The following WDR70 variants were observed in gnomAD, a reference collection of about 807,000 sequenced individuals.
The protein encoded by WDR70 is WD repeat-containing protein 70.
A neutral mutation model predicts 88.6 loss-of-function variants in WDR70; 53 were observed. That is an observed-to-expected ratio of 0.60 (90% CI 0.48 to 0.75). The LOEUF (loss-of-function observed/expected upper bound fraction) is 0.75, where lower values mean the gene tolerates loss of function less well. Among genes scored for constraint, WDR70 ranks in the 30% least tolerant of loss-of-function variants. The pLI is 0.00. For synonymous variants in WDR70, 280 were observed against 270.0 expected (o/e 1.04, Z -0.36); for missense variants, 610 against 823.2 (o/e 0.74, Z 3.17).
intron 2 of WDR70, 28 bp from the exon 3 acceptor site, chr5:37,381,574 C>T (rs774344686): frequency 1.9e-6 from 3 of 1,600,278 alleles, no homozygotes; most frequent in Non-Finnish European, 2.6e-6. Flanking sequence ...GCAAGACAAT[C>T]ACAGTCTCCC....
chr5:37,670,135 CGTT>C (rs1745982244), intron 10 of WDR70, among the ~76,000 whole-genome samples: 1 of 152,036 alleles, frequency 6.6e-6, no homozygotes, highest in South Asian at 2.1e-4. Context: ...ATACTGAAAA[CGTT>C]GAACTACATA....
intron 7 of WDR70, among the ~76,000 whole-genome samples, chr5:37,464,777 G>C (rs1459710887): frequency 1.3e-5 from 2 of 152,360 alleles, no homozygotes; most frequent in East Asian, 3.9e-4. Flanking sequence ...TCAGGAGCCT[G>C]ACAGTGGAGC....
chr5:37,744,458 A>G (rs1442668257), intron 17 of WDR70, among the ~76,000 whole-genome samples: 2 of 152,124 alleles, frequency 1.3e-5, no homozygotes, highest in Non-Finnish European at 2.9e-5. Flanking sequence ...TAGGCTTCAG[A>G]AAATGGGTAA....
At chr5:37,395,834 A>G (rs1748995205) in intron 4 of WDR70, among the ~76,000 whole-genome samples, 3 of 152,124 alleles carry the variant, frequency 2.0e-5, no homozygotes, top group Non-Finnish European at 4.4e-5. Context: ...ACAGGGTCTC[A>G]CTGTTGTTCA....
intron 9 of WDR70, among the ~76,000 whole-genome samples, chr5:37,528,241 A>C (rs1264560954): frequency 6.6e-6 from 1 of 152,196 alleles, no homozygotes; most frequent in Non-Finnish European, 1.5e-5. Context: ...AATGTCCATC[A>C]ATGATAGACT....
chr5:37,750,139 G>T (rs1227351570), intron 17 of WDR70, among the ~76,000 whole-genome samples: 1 of 152,110 alleles, frequency 6.6e-6, no homozygotes, highest in Non-Finnish European at 1.5e-5. Flanking sequence ...ATCCTCTCAT[G>T]CCTCTTTCTA....
At chr5:37,512,269 C>A (rs887553429) in intron 8 of WDR70, among the ~76,000 whole-genome samples, 4 of 151,990 alleles carry the variant, frequency 2.6e-5, no homozygotes, top group African/African-American at 4.8e-5. Flanking sequence ...GTTGCCCAGG[C>A]TGGAGTGTAG....
chr5:37,414,100 G>A (rs190172363), intron 5 of WDR70, among the ~76,000 whole-genome samples: 172 of 146,812 alleles, frequency 1.2e-3, no homozygotes, highest in Middle Eastern at 7.4e-3. Context: ...AGCCTTGATT[G>A]CGCATTGCAC....
At chr5:37,622,262 G>A (rs1367470379) in intron 10 of WDR70, among the ~76,000 whole-genome samples, 4 of 151,956 alleles carry the variant, frequency 2.6e-5, no homozygotes, top group African/African-American at 9.7e-5. Flanking sequence ...GAGAGGATGT[G>A]GAGAAATAGG....
At chr5:37,734,664 A>G (rs1748247406) in intron 17 of WDR70, among the ~76,000 whole-genome samples, 1 of 152,126 alleles carries the variant, frequency 6.6e-6, no homozygotes, top group Non-Finnish European at 1.5e-5. Flanking sequence ...GCGCTATTTT[A>G]GATACAGTGG....
At chr5:37,425,791 A>G (rs1016837285) in intron 5 of WDR70, among the ~76,000 whole-genome samples, 1 of 152,200 alleles carries the variant, frequency 6.6e-6, no homozygotes, top group South Asian at 2.1e-4. Context: ...AATTGATTAT[A>G]TAAGTGTGGT....
At position 37,621,110 on chromosome 5, in the gene WDR70, G is replaced by A. The variant is rs78092348; in HGVS notation, c.1092+15872G>A. Among the ~76,000 whole-genome samples, 1,007 of 152,074 alleles carry A rather than the reference G, an allele frequency of 6.6e-3. 13 individuals are homozygous for A. The highest frequency in any genetic ancestry group is 0.023 in the African/African-American group (960 of 41,486). ...AAAGCTACCAAAATTAGTTTGCAAGGCTCTACCCATCAGCTTCTTACAGTC... is the reference window on the plus strand; with the variant it reads ...AAAGCTACCAAAATTAGTTTGCAAGACTCTACCCATCAGCTTCTTACAGTC... On this transcript the variant is annotated intron_variant, in intron 10 of 17. Coordinates refer to ENST00000265107, the MANE Select transcript of WDR70 (RefSeq NM_018034.4).
chr5:37,424,076 G>C (rs1488157866), intron 5 of WDR70, among the ~76,000 whole-genome samples: 1 of 133,262 alleles, frequency 7.5e-6, no homozygotes, highest in Admixed American at 8.8e-5. Flanking sequence ...TTGAACACGA[G>C]AAGTGGAGGT....
At chr5:37,677,480 G>T (rs137910776) in intron 10 of WDR70, among the ~76,000 whole-genome samples, 9 of 151,610 alleles carry the variant, frequency 5.9e-5, no homozygotes, top group African/African-American at 2.2e-4. Flanking sequence ...TTCTGCCTTC[G>T]TTTCGTTATG....
At chr5:37,553,712 C>G (rs1214363260) in intron 9 of WDR70, among the ~76,000 whole-genome samples, 2 of 152,124 alleles carry the variant, frequency 1.3e-5, no homozygotes, top group Non-Finnish European at 2.9e-5. Context: ...TTCTATATTT[C>G]TTTTAGCTGC....
intron 17 of WDR70, among the ~76,000 whole-genome samples, chr5:37,727,727 T>G (rs983225328): frequency 6.6e-6 from 1 of 151,928 alleles, no homozygotes; most frequent in African/African-American, 2.4e-5. Flanking sequence ...AAGCATGCAC[T>G]GCCACACCCA....
At chr5:37,639,960 T>C (rs982392937) in intron 10 of WDR70, among the ~76,000 whole-genome samples, 6 of 152,170 alleles carry the variant, frequency 3.9e-5, no homozygotes, top group Non-Finnish European at 7.4e-5. Flanking sequence ...TTATTCTCAC[T>C]TCGCAGATGA....
At chr5:37,412,616 C>T (rs928506145) in intron 5 of WDR70, among the ~76,000 whole-genome samples, 2 of 152,118 alleles carry the variant, frequency 1.3e-5, no homozygotes, top group Non-Finnish European at 2.9e-5. Flanking sequence ...CAGCAGCTTT[C>T]TAGTTGTGAG....
rs1308246448 is a variant in WDR70, at chr5:37,428,002, T to C, written c.493-9920T>C. Among the ~76,000 whole-genome samples, 3 of 146,442 alleles carry C rather than the reference T, an allele frequency of 2.0e-5. No individual in the cohort carries two copies. In the East Asian group the frequency reaches 6.4e-4, roughly 31 times the overall value. On this transcript the variant is annotated intron_variant, in intron 5 of 17. Coordinates refer to ENST00000265107, the MANE Select transcript of WDR70 (RefSeq NM_018034.4). ...AGGAAAATTAATGGGAAGAGATGTA[T>C]CCTCCTTTTTTTTTTTTTTCCCTGC...
Sources: allele counts gnomAD v4.1 joint callset (sites outside exome capture counted in the v4.1 genomes callset), GRCh38; gene constraint gnomAD v4.1.1; transcripts MANE v1.5; gene names NCBI Gene and HGNC (gene_info 2026-07-23, HGNC 2026-07-21).